The following ZYG11B variants were observed in gnomAD, a reference collection of about 807,000 sequenced individuals.
ZYG11B encodes the protein protein zyg-11 homolog B.
Under a neutral mutation model 82.4 loss-of-function variants are expected in ZYG11B, and 36 were observed. The observed-to-expected ratio is 0.44, with a 90% confidence interval of 0.33 to 0.58. ZYG11B has a LOEUF of 0.58. Ranked by LOEUF, ZYG11B falls within the 20% of genes least tolerant of loss-of-function variation. The pLI, the probability that ZYG11B is intolerant of heterozygous loss-of-function variation, is 0.02. For missense variants in ZYG11B, 552 were observed against 895.6 expected, an observed-to-expected ratio of 0.62 and a Z score of 4.90; for synonymous variants, 303 against 312.8, an observed-to-expected ratio of 0.97 and a Z score of 0.33.
chr1:52,779,084 A>C lies in ZYG11B; in HGVS notation c.952-769A>C, dbSNP rs192624775. 1.1e-4 allele frequency among the ~76,000 whole-genome samples: 17 copies of C among 152,326 alleles called. No individual in the cohort carries two copies. The East Asian group carries it at 3.1e-3, about 28-fold the overall frequency. The stretch of plus-strand genomic sequence containing the variant: ...AGTGTCCTTAACTTGAATAAGGAAG[A>C]ATGAGTAGAAATTAGTCAGGTAAAG... On this transcript the variant is annotated intron_variant, in intron 3 of 13. Coordinates refer to ENST00000294353, the MANE Select transcript of ZYG11B (RefSeq NM_024646.3).
intron 13 of ZYG11B, among the ~76,000 whole-genome samples, chr1:52,820,600 A>T (rs1645274436): frequency 6.6e-6 from 1 of 151,442 alleles, no homozygotes; most frequent in African/African-American, 2.4e-5. Context: ...GTGAGCCAAA[A>T]TTGTGCCATT....
intron 3 of ZYG11B, among the ~76,000 whole-genome samples, chr1:52,778,584 G>T (rs1644828580): frequency 6.6e-6 from 1 of 152,102 alleles, no homozygotes; most frequent in African/African-American, 2.4e-5. Flanking sequence ...ATATCTAGTT[G>T]TTTCTCTTTC....
intron 1 of ZYG11B, among the ~76,000 whole-genome samples, chr1:52,742,614 G>C (rs1020065284): frequency 1.3e-5 from 2 of 152,056 alleles, no homozygotes; most frequent in Admixed American, 1.3e-4. Flanking sequence ...AGGCGGAGGC[G>C]GGCGGATCAC....
In ZYG11B at chr1:52,764,584, C is replaced by G. The variant is rs115294344; in HGVS notation, c.197-6436C>G. Among the ~76,000 whole-genome samples the G allele has an allele frequency of 7.6e-3, 1,164 of 152,218 alleles. 20 individuals carry two copies. The highest frequency in any genetic ancestry group is 0.027 in the African/African-American group (1,106 of 41,536). On this transcript the variant is annotated intron_variant, in intron 2 of 13. Transcript: ENST00000294353. ...ATCTGTAAAGTGTTGATAATTATAA[C>G]TCCCTCACAGGGATTACTGTGAATA... is the stretch of plus-strand genomic sequence containing the variant.
rs1353125414 is a variant in ZYG11B, at chr1:52,825,694, T to A, written c.*4065T>A. 1 of 149,262 alleles carries A rather than the reference T, an allele frequency of 6.7e-6. No individual in the cohort carries two copies. The highest frequency in any genetic ancestry group is 6.7e-5 in the Admixed American group (1 of 14,934). 9.2% of individuals were successfully genotyped at this position (149,262 alleles called of 1,614,324 possible). ...AAAAAAGCGAGAGAGAGAGATGGTG[T>A]CTCACTGTGTTGCCCAGGCTGGTCT... On this transcript the variant is annotated 3_prime_UTR_variant, in exon 14 of 14. Transcript: ENST00000294353.
intron 6 of ZYG11B, among the ~76,000 whole-genome samples, chr1:52,793,415 C>G (rs1193880439): frequency 3.3e-5 from 5 of 151,990 alleles, no homozygotes; most frequent in Non-Finnish European, 5.9e-5. Flanking sequence ...GCAGGAGAAT[C>G]CTGGAGGCAG....
chr1:52,766,701 T>G (rs1644692251), intron 2 of ZYG11B, among the ~76,000 whole-genome samples: 2 of 152,122 alleles, frequency 1.3e-5, no homozygotes, highest in Admixed American at 1.3e-4. Flanking sequence ...AGATTGGGGT[T>G]AATGTTCTTT....
At chr1:52,816,677 T>G (rs1645226921) in intron 13 of ZYG11B, 48 bp downstream of exon 13, 19 of 1,361,590 alleles carry the variant, frequency 1.4e-5, no homozygotes, top group Non-Finnish European at 1.8e-5. Flanking sequence ...TAAGTGAAAT[T>G]CTCATTTCCC....
chr1:52,726,747 G>A, intron 1 of ZYG11B, 64 bp downstream of exon 1: 2 of 1,402,510 alleles, frequency 1.4e-6, no homozygotes, highest in East Asian at 3.0e-5. Context: ...CCGTCGCGCT[G>A]GCCCCTGCGG....
intron 1 of ZYG11B, among the ~76,000 whole-genome samples, chr1:52,731,469 A>G (rs1253542907): frequency 1.3e-5 from 2 of 152,150 alleles, no homozygotes; most frequent in Admixed American, 6.6e-5. Context: ...CATAGAATAC[A>G]TAGCAACAGG....
intron 13 of ZYG11B, 151 bp downstream of exon 13, chr1:52,816,780 CTTTTTTTTT>C: frequency 1.2e-5 from 3 of 259,982 alleles, no homozygotes; most frequent in African/African-American, 4.4e-5. Context: ...TTAAGGTATT[CTTTTTTTTT>C]TTTTTTTTTT....
chr1:52,773,619 ATATATATATTTTTT>A (rs1644775395), intron 3 of ZYG11B, among the ~76,000 whole-genome samples: 1 of 23,846 alleles, frequency 4.2e-5, no homozygotes, highest in African/African-American at 1.3e-4. Flanking sequence ...ATATATATAT[ATATATATATTTTTT>A]TTTTTTTTTT....
chr1:52,821,738 A>G lies in ZYG11B; in HGVS notation c.*109A>G, dbSNP rs1022560047. The G allele has an allele frequency of 2.8e-6, 3 of 1,074,536 alleles. No individual in the cohort carries two copies. Among genetic ancestry groups the G allele is most frequent in the Admixed American group, 2.7e-5 (1 of 36,492 alleles). The allele number at this position is 1,074,536 out of a possible 1,614,324, so 66.6% of individuals were successfully genotyped here. A position where few individuals can be genotyped will look rare whatever the true frequency, so the allele number is the denominator to read the frequency against. ...TGGGGGTTTCTATGACAAGAGTCAT[A>G]AAATCAGTTTGGGATTGATAATGTG... On this transcript the variant is annotated 3_prime_UTR_variant, in exon 14 of 14. Coordinates refer to ENST00000294353, the MANE Select transcript of ZYG11B (RefSeq NM_024646.3).
chr1:52,821,312 T>G, intron 13 of ZYG11B, 127 bp from the exon 14 acceptor site: 1 of 832,202 alleles, frequency 1.2e-6, no homozygotes, highest in South Asian at 2.0e-5. Context: ...TGTAGCATGT[T>G]AGTGATCAAT....
chr1:52,726,669 G>C lies in ZYG11B; in HGVS notation c.16G>C (p.Ala6Pro), dbSNP rs1320294786. The part of the protein sequence containing the change: MPEDQ[A>P]GAAMEEASPY... ...CGGAGGCTGCATGCCCGAGGACCAGGCCGGCGCAGCCATGGTGAGGGAGCA... is the reference window on the plus strand; with the variant it reads ...CGGAGGCTGCATGCCCGAGGACCAGCCCGGCGCAGCCATGGTGAGGGAGCA... Residue 6 changes from alanine (A) to proline (P), a missense_variant, in exon 1 of 14, where the codon GCC (alanine) becomes CCC (proline). By Grantham distance (27) the Ala-to-Pro change is conservative (BLOSUM62 -1). Coordinates refer to ENST00000294353, the MANE Select transcript of ZYG11B (RefSeq NM_024646.3). 2.7e-6 allele frequency: 4 copies of C among 1,479,306 alleles called. No individual in the cohort carries two copies. In the African/African-American group the frequency reaches 5.8e-5, roughly 22 times the overall value. 91.6% of individuals were successfully genotyped at this position (1,479,306 alleles called of 1,614,324 possible).
chr1:52,795,174 G>A (rs184433703), intron 6 of ZYG11B, among the ~76,000 whole-genome samples: 39 of 152,234 alleles, frequency 2.6e-4, no homozygotes, highest in Admixed American at 2.4e-3. Flanking sequence ...TAATGGTTTA[G>A]CACCATCCCC....
intron 3 of ZYG11B, among the ~76,000 whole-genome samples, chr1:52,775,667 G>A (rs1258699549): frequency 1.3e-5 from 2 of 149,482 alleles, no homozygotes; most frequent in African/African-American, 5.0e-5. Context: ...CTCCAGCCTG[G>A]GCGATAGAGT....
chr1:52,807,576 C>T (rs1235650088), intron 10 of ZYG11B, among the ~76,000 whole-genome samples: 3 of 150,784 alleles, frequency 2.0e-5, no homozygotes, highest in South Asian at 2.1e-4. Flanking sequence ...ACTGCAGCCT[C>T]GACCTCCTGG....
chr1:52,771,249 G>A lies in ZYG11B; in HGVS notation c.426G>A (p.Val142=). ...KWIQQNLQCL[V]LNSLTLSLED... ...TCCAGCAGAATCTCCAGTGCCTGGT[G>A]CTGAATTCATTAACTCTCTCCCTCG... Residue 142 remains valine (V), a synonymous_variant, in exon 3 of 14, where the codon GTG becomes GTA. Coordinates refer to ENST00000294353, the MANE Select transcript of ZYG11B (RefSeq NM_024646.3). This position sits in a 1 kb window ranked among gnomAD's most constrained non-coding sequence, Gnocchi z 5.4. 4 of 1,614,204 alleles carry A rather than the reference G, an allele frequency of 2.5e-6. No homozygotes were observed. The highest frequency in any genetic ancestry group is 3.4e-6 in the Non-Finnish European group (4 of 1,180,030).
Sources: gnomAD v4.1 joint callset for allele counts (sites outside exome capture counted in the v4.1 genomes callset) on GRCh38, gnomAD v4.1.1 for gene constraint, Gnocchi (gnomAD v3.1) non-coding constraint, MANE v1.5 for transcripts, NCBI Gene and HGNC (gene_info 2026-07-23, HGNC 2026-07-21) for gene names.